Variants in ST18 observed in about 807,000 individuals in gnomAD.
ST18 encodes the protein suppression of tumorigenicity 18 protein.
In ST18, 50 loss-of-function variants were observed where a neutral mutation model predicts 110.0. That is an observed-to-expected ratio of 0.45 (90% CI 0.36 to 0.58). The LOEUF is 0.58. Among genes scored for constraint, ST18 ranks in the 20% least tolerant of loss-of-function variants. ST18 has a pLI of 0.00. For missense variants in ST18, 1,306 were observed against 1,280.1 expected (o/e 1.02, Z -0.31); for synonymous variants, 461 against 452.4 (o/e 1.02, Z -0.24).
chr8:52,294,014 A>T (rs2095595465), intron 2 of ST18, among the ~76,000 whole-genome samples: 1 of 152,192 alleles, frequency 6.6e-6, no homozygotes, highest in South Asian at 2.1e-4. Flanking sequence ...ATGCTTTTGC[A>T]CACACCCTCC....
intron 3 of ST18, among the ~76,000 whole-genome samples, chr8:52,229,379 T>C (rs554452824): frequency 3.9e-5 from 6 of 152,228 alleles, no homozygotes; most frequent in Non-Finnish European, 7.3e-5. Flanking sequence ...TCCTCACTCA[T>C]TGGGCTGTTG....
rs552364963 is a variant in ST18, at chr8:52,339,505, A to G, written c.-465+69823T>C. 5.9e-5 allele frequency among the ~76,000 whole-genome samples: 9 copies of G among 152,338 alleles called. No homozygotes were observed. The South Asian group carries it at 1.4e-3, about 25-fold the overall frequency. ...AGGGCACGTACAGCAGGGTTCGCAG[A>G]TCTTGGGGGCCACCTCAGAATCCTG... On this transcript the variant is annotated intron_variant, in intron 2 of 25. Coordinates refer to ENST00000689386, the MANE Select transcript of ST18 (RefSeq NM_001352837.2).
intron 16 of ST18, among the ~76,000 whole-genome samples, chr8:52,148,034 G>A (rs1390435725): frequency 6.6e-6 from 1 of 152,136 alleles, no homozygotes; most frequent in Non-Finnish European, 1.5e-5. Flanking sequence ...GATACACGTA[G>A]ACATAATTAG....
At chr8:52,375,822 GTCTTCACCAGCTCCCCCGCAGC>G (rs1479904031) in intron 2 of ST18, among the ~76,000 whole-genome samples, 6 of 147,018 alleles carry the variant, frequency 4.1e-5, no homozygotes, top group South Asian at 4.2e-4. Flanking sequence ...TGAGCCGCAG[GTCTTCACCAGCTCCCCCGCAGC>G]TCTTCACCAG....
At chr8:52,268,149 T>C (rs988368706) in intron 2 of ST18, among the ~76,000 whole-genome samples, 1 of 152,216 alleles carries the variant, frequency 6.6e-6, no homozygotes, top group South Asian at 2.1e-4. Flanking sequence ...CATCCTAAAA[T>C]GAATCCTCAT....
intron 12 of ST18, among the ~76,000 whole-genome samples, chr8:52,164,693 G>A (rs1315916351): frequency 2.0e-5 from 3 of 152,334 alleles, no homozygotes; most frequent in South Asian, 2.1e-4. Context: ...TTTCAGTGAA[G>A]TGATGTTTAC....
intron 2 of ST18, among the ~76,000 whole-genome samples, chr8:52,353,306 A>G (rs1821217171): frequency 6.6e-6 from 1 of 152,260 alleles, no homozygotes; most frequent in Non-Finnish European, 1.5e-5. Context: ...AATCTTTCTT[A>G]GATGGCTCAC....
In ST18 at chr8:52,159,518, C is replaced by A. The variant is rs142064242; in HGVS notation, c.1595-409G>T. 5.5e-3 allele frequency among the ~76,000 whole-genome samples: 839 copies of A among 151,856 alleles called. 6 individuals carry two copies. Among genetic ancestry groups the A allele is most frequent in the Middle Eastern group, 0.02 (6 of 294 alleles). ...TGCATATATGTGAGGACCGGTGATT[C>A]CAGTGGCGGAAAAAAAAATGTGTCC... On this transcript the variant is annotated intron_variant, in intron 14 of 25. Transcript: ENST00000689386.
chr8:52,200,250 T>C (rs988062699), intron 8 of ST18, among the ~76,000 whole-genome samples: 12 of 152,110 alleles, frequency 7.9e-5, no homozygotes, highest in Admixed American at 2.6e-4. Flanking sequence ...AGGTGACAAA[T>C]TTTTTTCATA....
At chr8:52,406,691 T>C (rs1285486799) in intron 2 of ST18, 1 of 152,242 alleles carries the variant, frequency 6.6e-6, no homozygotes, top group Non-Finnish European at 1.5e-5. Context: ...ACCAAATCAT[T>C]CACATTAGCC....
At chr8:52,255,410 G>A (rs879928192) in intron 2 of ST18, among the ~76,000 whole-genome samples, 30 of 152,124 alleles carry the variant, frequency 2.0e-4, no homozygotes, top group African/African-American at 5.3e-4. Flanking sequence ...GCCCTTTTAC[G>A]TCTTAAAGGA....
chr8:52,401,712 T>C (rs1168683000), intron 2 of ST18, among the ~76,000 whole-genome samples: 1 of 152,202 alleles, frequency 6.6e-6, no homozygotes, highest in Non-Finnish European at 1.5e-5. Context: ...TGAATTGTTT[T>C]CCTAATTTTG....
intron 8 of ST18, among the ~76,000 whole-genome samples, chr8:52,203,811 G>A (rs1215391289): frequency 1.3e-5 from 2 of 152,122 alleles, no homozygotes; most frequent in East Asian, 1.9e-4. Context: ...GGGAGCCAAC[G>A]ACCCGTGCAG....
intron 8 of ST18, among the ~76,000 whole-genome samples, chr8:52,188,414 C>T (rs542524242): frequency 3.3e-5 from 5 of 152,226 alleles, no homozygotes; most frequent in Admixed American, 6.5e-5. Flanking sequence ...GAGATAGCAC[C>T]GTGCAAGGCA....
At chr8:52,335,327 C>T (rs1327188067) in intron 2 of ST18, among the ~76,000 whole-genome samples, 1 of 151,122 alleles carries the variant, frequency 6.6e-6, no homozygotes, top group East Asian at 1.9e-4. Flanking sequence ...ATCTCCCTCC[C>T]TCTCGCCTGC....
chr8:52,295,173 T>C (rs971922938), intron 2 of ST18, among the ~76,000 whole-genome samples: 2 of 152,186 alleles, frequency 1.3e-5, no homozygotes, highest in Non-Finnish European at 2.9e-5. Context: ...TTTTTTCACA[T>C]TTGTATGCTA....
chr8:52,206,744 G>A (rs933287163), intron 8 of ST18: 1 of 152,170 alleles, frequency 6.6e-6, no homozygotes. Flanking sequence ...TAATGTTCAG[G>A]TCTGGCCTAG....
At chr8:52,136,771 A>G (rs531161113) in intron 18 of ST18, 113 bp from the exon 19 acceptor site, 5 of 831,206 alleles carry the variant, frequency 6.0e-6, no homozygotes, top group East Asian at 6.0e-5. Flanking sequence ...GGGGATTGGG[A>G]AAAAAAAATA....
At chr8:52,226,810 T>A (rs1237355903) in intron 3 of ST18, among the ~76,000 whole-genome samples, 2 of 152,210 alleles carry the variant, frequency 1.3e-5, no homozygotes, top group Non-Finnish European at 2.9e-5. Context: ...CTTTTTATTA[T>A]GTAAAGAGAA....
Sources: gnomAD v4.1 joint callset for allele counts (sites outside exome capture counted in the v4.1 genomes callset) on GRCh38, gnomAD v4.1.1 for gene constraint, MANE v1.5 for transcripts, NCBI Gene and HGNC (gene_info 2026-07-23, HGNC 2026-07-21) for gene names.